Variants in RAB10 observed in about 807,000 individuals in gnomAD.
RAB10 encodes the protein ras-related protein Rab-10.
RAB10 carries 5 observed loss-of-function variants against 25.7 expected under a neutral mutation model. The ratio of observed to expected loss-of-function variants is 0.19; its 90% CI spans 0.10 to 0.41. RAB10 has a LOEUF of 0.41. Ranked by LOEUF, RAB10 falls within the 10% of genes least tolerant of loss-of-function variation. The pLI, the probability that RAB10 is intolerant of heterozygous loss-of-function variation, is 1.00. For synonymous variants in RAB10, 89 were observed against 86.4 expected, an observed-to-expected ratio of 1.03 and a Z score of -0.16; for missense variants, 103 against 245.8, an observed-to-expected ratio of 0.42 and a Z score of 3.89.
intron 1 of RAB10, among the ~76,000 whole-genome samples, chr2:26,092,260 GCT>G (rs1667122535): frequency 6.9e-5 from 9 of 130,892 alleles, no homozygotes. Context: ...CATAGTGAGA[GCT>G]GTGTGTGTGT....
At chr2:26,060,007 G>A (rs1389443958) in intron 1 of RAB10, among the ~76,000 whole-genome samples, 2 of 152,140 alleles carry the variant, frequency 1.3e-5, no homozygotes, top group African/African-American at 4.8e-5. Context: ...ATACCATCAT[G>A]GTCATGTTCT....
intron 1 of RAB10, among the ~76,000 whole-genome samples, chr2:26,058,584 T>G (rs2149266313): frequency 6.6e-6 from 1 of 152,258 alleles, no homozygotes; most frequent in Non-Finnish European, 1.5e-5. Flanking sequence ...TGATACCTCT[T>G]TGCTTAGAGC....
intron 1 of RAB10, among the ~76,000 whole-genome samples, chr2:26,064,302 C>T (rs1666468957): frequency 6.6e-6 from 1 of 151,788 alleles, no homozygotes; most frequent in Non-Finnish European, 1.5e-5. Flanking sequence ...TTAATGAATA[C>T]AACTGTTTTT....
chr2:26,122,903 G>GA (rs921994358), intron 3 of RAB10, among the ~76,000 whole-genome samples: 5 of 152,058 alleles, frequency 3.3e-5, no homozygotes, highest in African/African-American at 1.2e-4. Context: ...GGGTGGCAGG[G>GA]AGGGGGGCAG....
intron 5 of RAB10, 57 bp from the exon 6 acceptor site, chr2:26,134,881 G>A (rs934583750): frequency 1.5e-6 from 2 of 1,376,668 alleles, no homozygotes; most frequent in African/African-American, 2.9e-5. Flanking sequence ...GTTGAATCGT[G>A]ATTTTATCCA....
intron 2 of RAB10, among the ~76,000 whole-genome samples, chr2:26,099,593 A>T (rs1160455325): frequency 8.0e-6 from 1 of 124,454 alleles, no homozygotes; most frequent in East Asian, 2.5e-4. Flanking sequence ...CATGCTGGAG[A>T]GCAGTGGCGC....
rs571363701 is a variant in RAB10, at chr2:26,135,599, A to G, written c.*578A>G. The G allele has an allele frequency of 6.5e-6, 1 of 152,802 alleles. No individual in the cohort carries two copies. Among genetic ancestry groups the G allele is most frequent in the Admixed American group, 6.5e-5 (1 of 15,308 alleles). 9.5% of individuals were successfully genotyped at this position (152,802 alleles called of 1,614,324 possible). On this transcript the variant is annotated 3_prime_UTR_variant, in exon 6 of 6. Transcript: ENST00000264710. ...TGGTGGAAGCATGTGCAGGAGACAT[A>G]TCATCCAAACATAAACCATTAAAAT...
intron 1 of RAB10, among the ~76,000 whole-genome samples, chr2:26,071,671 A>G (rs1430076469): frequency 7.4e-6 from 1 of 134,760 alleles, no homozygotes. Context: ...CCTGGGTGAC[A>G]GAGTGAGACT....
At chr2:26,086,018 G>GT (rs1490542162) in intron 1 of RAB10, among the ~76,000 whole-genome samples, 1 of 114,986 alleles carries the variant, frequency 8.7e-6, no homozygotes, top group Non-Finnish European at 1.8e-5. Flanking sequence ...AAAAAAAAAA[G>GT]GGGGGGGGCA....
rs567881621 is a variant in RAB10 at position 26,045,460 on chromosome 2, C to T, written c.127+10725C>T. ...TTCACTGTGTTAGCCAGGATGGTCTCGATCTCCTGACCTCATGATCCGCCC... is the reference window on the plus strand; with the variant it reads ...TTCACTGTGTTAGCCAGGATGGTCTTGATCTCCTGACCTCATGATCCGCCC... On this transcript the variant is annotated intron_variant, in intron 1 of 5. Transcript: ENST00000264710. Among the ~76,000 whole-genome samples the T allele has an allele frequency of 1.8e-4, 27 of 151,806 alleles. No individual in the cohort carries two copies. In the East Asian group the frequency reaches 4.8e-3, roughly 27 times the overall value.
At chr2:26,068,750 A>G (rs149999290) in intron 1 of RAB10, among the ~76,000 whole-genome samples, 99 of 152,346 alleles carry the variant, frequency 6.5e-4, no homozygotes, top group Middle Eastern at 3.4e-3. Flanking sequence ...AACTCTGGTT[A>G]ACATATGGGC....
intron 1 of RAB10, among the ~76,000 whole-genome samples, chr2:26,059,769 G>A (rs1025414582): frequency 6.6e-6 from 1 of 152,172 alleles, no homozygotes; most frequent in Non-Finnish European, 1.5e-5. Flanking sequence ...GGGAAGGGGT[G>A]AAGGAGAGTT....
intron 1 of RAB10, among the ~76,000 whole-genome samples, chr2:26,091,329 G>C (rs1301351699): frequency 6.6e-6 from 1 of 152,154 alleles, no homozygotes; most frequent in Non-Finnish European, 1.5e-5. Flanking sequence ...GGGAAACATA[G>C]AGAAATATTG....
chr2:26,075,533 A>T (rs1253992200), intron 1 of RAB10, among the ~76,000 whole-genome samples: 1 of 152,164 alleles, frequency 6.6e-6, no homozygotes, highest in Non-Finnish European at 1.5e-5. Context: ...GTTTGCTTGA[A>T]AGGTTTTACA....
chr2:26,095,423 C>T (rs1218437870), intron 1 of RAB10, among the ~76,000 whole-genome samples: 7 of 151,970 alleles, frequency 4.6e-5, no homozygotes, highest in African/African-American at 7.3e-5. Context: ...CTGGCTAACA[C>T]GGTGAAACCC....
At chr2:26,075,410 G>T (rs1666711555) in intron 1 of RAB10, among the ~76,000 whole-genome samples, 1 of 152,048 alleles carries the variant, frequency 6.6e-6, no homozygotes, top group African/African-American at 2.4e-5. Context: ...CTCCCTCTTT[G>T]TTGGAATGAA....
chr2:26,127,676 ATTACT>A (rs1667931651), intron 4 of RAB10, among the ~76,000 whole-genome samples, 169 bp from the exon 5 acceptor site: 1 of 152,124 alleles, frequency 6.6e-6, no homozygotes, highest in African/African-American at 2.4e-5. Context: ...GGGTAAGGAG[ATTACT>A]TTTCTTTTGT....
intron 1 of RAB10, among the ~76,000 whole-genome samples, chr2:26,037,997 C>G (rs1266139439): frequency 6.6e-6 from 1 of 151,844 alleles, no homozygotes; most frequent in Non-Finnish European, 1.5e-5. Flanking sequence ...GGTGATTCTT[C>G]TGCCTCAGCC....
At chr2:26,133,893 C>T (rs557066692) in intron 5 of RAB10, among the ~76,000 whole-genome samples, 5 of 152,022 alleles carry the variant, frequency 3.3e-5, no homozygotes, top group Non-Finnish European at 5.9e-5. Context: ...AGGCTGGTCT[C>T]GAACTCCTGA....
Sources: gnomAD v4.1 joint callset for allele counts (sites outside exome capture counted in the v4.1 genomes callset) on GRCh38, gnomAD v4.1.1 for gene constraint, MANE v1.5 for transcripts, NCBI Gene and HGNC (gene_info 2026-07-23, HGNC 2026-07-21) for gene names.